PIEZO2: variants seen among roughly 807,000 people sequenced by gnomAD.
The protein encoded by PIEZO2 is piezo-type mechanosensitive ion channel component 2.
A neutral mutation model predicts 337.3 loss-of-function variants in PIEZO2; 172 were observed. The observed-to-expected ratio is 0.51, with a 90% CI of 0.45 to 0.58. The LOEUF (loss-of-function observed/expected upper bound fraction) is 0.58. Among genes scored for constraint, PIEZO2 ranks in the 20% least tolerant of loss-of-function variants. The pLI is 0.00. For missense variants in PIEZO2, 3,028 were observed against 3,391.3 expected (o/e 0.89, Z 2.66); for synonymous variants, 1,251 against 1,228.5 (o/e 1.02, Z -0.38).
intron 18 of PIEZO2, among the ~76,000 whole-genome samples, chr18:10,776,605 C>T (rs1349128642): frequency 3.3e-5 from 5 of 152,146 alleles, no homozygotes; most frequent in African/African-American, 4.8e-5. Context: ...ATTTCTTCAT[C>T]GGGAATCTGT....
At chr18:10,737,419 C>A (rs1178179447) in intron 33 of PIEZO2, among the ~76,000 whole-genome samples, 1 of 152,224 alleles carries the variant, frequency 6.6e-6, no homozygotes, top group Non-Finnish European at 1.5e-5. Flanking sequence ...GCTCTGGCTG[C>A]TTCCACGTGT....
Position 10,859,882 on chromosome 18 carries a change from G to A in PIEZO2, c.493-2671C>T, listed in dbSNP as rs1369883265. Among the ~76,000 whole-genome samples, 1 of 152,146 alleles carries A rather than the reference G, an allele frequency of 6.6e-6. No homozygotes were observed. The highest frequency in any genetic ancestry group is 6.5e-5 in the Admixed American group (1 of 15,282). ...GCTGTGCTGGAGGAGAGGGGAGGGA[G>A]TGGTGGGGCTGAAGTGAAGATCCTG... is the stretch of plus-strand genomic sequence containing the variant. On this transcript the variant is annotated intron_variant, in intron 5 of 55. Transcript: ENST00000674853. The surrounding 1 kb of genome is among the most constrained non-coding windows in gnomAD (Gnocchi z 4.9).
In PIEZO2 at chr18:11,047,113, G is replaced by T. The variant is rs2037344376; in HGVS notation, c.160+19014C>A. Reference sequence around the variant, plus strand: ...TCCATGGGGGCATGTGCAGGGCATGGCCTGTCCAGGTACACTCAGGAGCCC... The same window carrying T: ...TCCATGGGGGCATGTGCAGGGCATGTCCTGTCCAGGTACACTCAGGAGCCC... On this transcript the variant is annotated intron_variant, in intron 2 of 55. Transcript: ENST00000674853. This position sits in a 1 kb window ranked among gnomAD's most constrained non-coding sequence, Gnocchi z 7.2. Among the ~76,000 whole-genome samples the T allele has an allele frequency of 6.6e-6, 1 of 152,224 alleles. No individual in the cohort carries two copies. The highest frequency in any genetic ancestry group is 6.5e-5 in the Admixed American group (1 of 15,282).
At chr18:10,944,372 T>C (rs943238373) in intron 3 of PIEZO2, among the ~76,000 whole-genome samples, 3 of 151,716 alleles carry the variant, frequency 2.0e-5, no homozygotes, top group Non-Finnish European at 4.4e-5. Flanking sequence ...TTTTTTCAGA[T>C]TGATGAAATC....
At chr18:10,708,076 G>A (rs574090610) in intron 40 of PIEZO2, among the ~76,000 whole-genome samples, 199 bp downstream of exon 40, 3 of 152,278 alleles carry the variant, frequency 2.0e-5, no homozygotes, top group South Asian at 2.1e-4. Flanking sequence ...ACTAAAGAGC[G>A]GTTAGTTTAA....
rs1295725625 is a variant in PIEZO2, at chr18:10,795,392, TTATTTTATTTTATTTTATTC to T, written c.1528-410_1528-391del. Among the ~76,000 whole-genome samples, 27 of 21,610 alleles carry T rather than the reference TTATTTTATTTTATTTTATTC, an allele frequency of 1.2e-3. 1 individual carries two copies. The East Asian group carries it at 0.042, about 34-fold the overall frequency. 14.2% of individuals were successfully genotyped at this position (21,610 alleles called of 152,430 possible). On this transcript the variant is annotated intron_variant, in intron 12 of 55. Coordinates refer to ENST00000674853, the MANE Select transcript of PIEZO2 (RefSeq NM_001378183.1). The surrounding 1 kb of genome is among the most constrained non-coding windows in gnomAD (Gnocchi z 4.4). The stretch of plus-strand genomic sequence containing the variant: ...TTATTTTATTTTATTTTATTTTATT[TTATTTTATTTTATTTTATTC>T]AGCTCTATTGCTTTAAAGAAAAGAC...
In PIEZO2 at chr18:11,083,350, C is replaced by T. The variant is rs1157977460; in HGVS notation, c.65-17128G>A. Among the ~76,000 whole-genome samples the T allele has an allele frequency of 6.6e-6, 1 of 152,218 alleles. No homozygotes were observed. The highest frequency in any genetic ancestry group is 1.5e-5 in the Non-Finnish European group (1 of 68,040). ...CTTAGAGGCCAGGATCAGAATTTCT[C>T]TCAGAAGAGGAACTATATTTGTTTG... is the stretch of plus-strand genomic sequence containing the variant. On this transcript the variant is annotated intron_variant, in intron 1 of 55. Coordinates refer to ENST00000674853, the MANE Select transcript of PIEZO2 (RefSeq NM_001378183.1). This position sits in a 1 kb window ranked among gnomAD's most constrained non-coding sequence, Gnocchi z 4.4.
intron 2 of PIEZO2, among the ~76,000 whole-genome samples, chr18:10,986,611 T>A (rs2034881824): frequency 6.6e-6 from 1 of 151,952 alleles, no homozygotes; most frequent in Non-Finnish European, 1.5e-5. Flanking sequence ...AATACCACAG[T>A]TAACATCATA....
Position 10,899,079 on chromosome 18 carries a change from A to G in PIEZO2, c.329+12107T>C, listed in dbSNP as rs1308787037. ...TGCACTGGACACATAAGAAGACCCC[A>G]GTGGGGCCTGCAGAGACTAGCAAAG... On this transcript the variant is annotated intron_variant, in intron 4 of 55. Coordinates refer to ENST00000674853, the MANE Select transcript of PIEZO2 (RefSeq NM_001378183.1). This position sits in a 1 kb window ranked among gnomAD's most constrained non-coding sequence, Gnocchi z 4.6. Among the ~76,000 whole-genome samples, 14 of 152,236 alleles carry G rather than the reference A, an allele frequency of 9.2e-5. No homozygotes were observed.
rs571522439 is a variant in PIEZO2, at chr18:10,839,063, G to T, written c.917+16290C>A. Among the ~76,000 whole-genome samples, 76 of 152,310 alleles carry T rather than the reference G, an allele frequency of 5.0e-4. 1 individual carries two copies. Among genetic ancestry groups the T allele is most frequent in the African/African-American group, 1.7e-3 (72 of 41,570 alleles). The stretch of plus-strand genomic sequence containing the variant: ...AAGAGAGGGAGAGTAATGGCAAGTG[G>T]AGGGTTCCTCTGATGAGTTACATGT... On this transcript the variant is annotated intron_variant, in intron 7 of 55. Coordinates refer to ENST00000674853, the MANE Select transcript of PIEZO2 (RefSeq NM_001378183.1).
In PIEZO2 at chr18:10,819,883, C is replaced by A. The variant is rs896839323; in HGVS notation, c.918-12609G>T. ...CTGGTGCAAAATTCTCTCAGTCTTT[C>A]GTATCTGATAATATCTTTATTTGAC... On this transcript the variant is annotated intron_variant, in intron 7 of 55. Coordinates refer to ENST00000674853, the MANE Select transcript of PIEZO2 (RefSeq NM_001378183.1). The surrounding 1 kb of genome is among the most constrained non-coding windows in gnomAD (Gnocchi z 4.3). Among the ~76,000 whole-genome samples, 2 of 152,170 alleles carry A rather than the reference C, an allele frequency of 1.3e-5. No individual in the cohort carries two copies. The highest frequency in any genetic ancestry group is 2.9e-5 in the Non-Finnish European group (2 of 68,010).
At chr18:11,098,244 TACACACACACAC>T (rs150739388) in intron 1 of PIEZO2, among the ~76,000 whole-genome samples, 21 of 145,652 alleles carry the variant, frequency 1.4e-4, no homozygotes, top group East Asian at 2.0e-4. Flanking sequence ...AGAAGCAAGA[TACACACACACAC>T]ACACACACAC....
At position 10,673,907 on chromosome 18, in the gene PIEZO2, TA is replaced by T. The variant is rs2033884115; in HGVS notation, c.8162-1035del. On this transcript the variant is annotated intron_variant, in intron 54 of 55. Transcript: ENST00000674853. The surrounding 1 kb of genome is among the most constrained non-coding windows in gnomAD (Gnocchi z 4.8). ...CTAACACCAAGGATAGCTTATGAGCTAAAAAGATCATACCAAAATTTCATAA... is the reference window on the plus strand; with the variant it reads ...CTAACACCAAGGATAGCTTATGAGCTAAAAGATCATACCAAAATTTCATAA... 6.6e-6 allele frequency among the ~76,000 whole-genome samples: 1 copy of T among 152,194 alleles called. No individual in the cohort carries two copies. Among genetic ancestry groups the T allele is most frequent in the Non-Finnish European group, 1.5e-5 (1 of 68,030 alleles).
At chr18:11,008,267 A>G (rs1392051806) in intron 2 of PIEZO2, among the ~76,000 whole-genome samples, 1 of 152,216 alleles carries the variant, frequency 6.6e-6, no homozygotes, top group Non-Finnish European at 1.5e-5. Flanking sequence ...CCACAGCAGC[A>G]GCCTCTGTGC....
Position 11,080,244 on chromosome 18 carries a change from G to A in PIEZO2, c.65-14022C>T, listed in dbSNP as rs191427382. 6.6e-5 allele frequency among the ~76,000 whole-genome samples: 10 copies of A among 152,248 alleles called. No homozygotes were observed. In the East Asian group the frequency reaches 1.5e-3, roughly 23 times the overall value. On this transcript the variant is annotated intron_variant, in intron 1 of 55. Transcript: ENST00000674853. The surrounding 1 kb of genome is among the most constrained non-coding windows in gnomAD (Gnocchi z 5.4). ...TCTTTATCATGTTAAAGTTTTTCACGATGTCTATGTGTATATTTTGTATTT... is the reference window on the plus strand; with the variant it reads ...TCTTTATCATGTTAAAGTTTTTCACAATGTCTATGTGTATATTTTGTATTT...
chr18:10,695,312 G>A (rs1441745020), intron 47 of PIEZO2, among the ~76,000 whole-genome samples: 2 of 152,144 alleles, frequency 1.3e-5, no homozygotes, highest in Non-Finnish European at 2.9e-5. Context: ...GGGAGAAGAA[G>A]GCTGGGAGGG....
chr18:10,867,540 A>G (rs907318601), intron 5 of PIEZO2, among the ~76,000 whole-genome samples: 2 of 152,184 alleles, frequency 1.3e-5, no homozygotes, highest in Non-Finnish European at 2.9e-5. Flanking sequence ...TTCATATTTG[A>G]CTTGTCAGTC....
rs2038430646 is a variant in PIEZO2 at position 10,767,868 on chromosome 18, C to G, written c.2946+2280G>C. ...GCCGGCCAAGAGTGGCTGTGGGATG[C>G]CCCACCGTGGAGCCTCCAGGAGGGC... On this transcript the variant is annotated intron_variant, in intron 21 of 55. Coordinates refer to ENST00000674853, the MANE Select transcript of PIEZO2 (RefSeq NM_001378183.1). The surrounding 1 kb of genome is among the most constrained non-coding windows in gnomAD (Gnocchi z 4.2). Among the ~76,000 whole-genome samples the G allele has an allele frequency of 6.6e-6, 1 of 152,126 alleles. No homozygotes were observed. The highest frequency in any genetic ancestry group is 1.5e-5 in the Non-Finnish European group (1 of 68,022).
At position 11,042,060 on chromosome 18, in the gene PIEZO2, A is replaced by T. The variant is rs2037142892; in HGVS notation, c.160+24067T>A. 1.3e-5 allele frequency among the ~76,000 whole-genome samples: 2 copies of T among 152,206 alleles called. 1 individual carries two copies. Among genetic ancestry groups the T allele is most frequent in the African/African-American group, 4.8e-5 (2 of 41,440 alleles). On this transcript the variant is annotated intron_variant, in intron 2 of 55. Transcript: ENST00000674853. ...AGGCCAAATCATCTCTCTGGTAAAA[A>T]TGCTGCCTCTCAGCAGTGTTCTGGG...
Sources: gnomAD v4.1 joint callset for allele counts (sites outside exome capture counted in the v4.1 genomes callset) on GRCh38, gnomAD v4.1.1 for gene constraint, Gnocchi (gnomAD v3.1) non-coding constraint, MANE v1.5 for transcripts, NCBI Gene and HGNC (gene_info 2026-07-23, HGNC 2026-07-21) for gene names.